HDGF: variants seen among roughly 807,000 people sequenced by gnomAD.
HDGF encodes the protein hepatoma-derived growth factor.
HDGF carries 5 observed loss-of-function variants against 30.0 expected under a neutral mutation model. The ratio of observed to expected loss-of-function variants is 0.17; its 90% CI spans 0.09 to 0.35. HDGF has a LOEUF of 0.35. Ranked by LOEUF, HDGF falls within the 10% of genes least tolerant of loss-of-function variation. The pLI, the probability that HDGF is intolerant of heterozygous loss-of-function variation, is 1.00. For synonymous variants in HDGF, 133 were observed against 112.7 expected, an observed-to-expected ratio of 1.18 and a Z score of -1.14; for missense variants, 214 against 302.8, an observed-to-expected ratio of 0.71 and a Z score of 2.18.
chr1:156,743,460 G>A lies in HDGF; in HGVS notation c.717-5C>T, dbSNP rs750934335. ...TGAAACATTGGTGGCTACAGGCTGTGAGGGAGGGTTGGAGGGGAGAAGGGT... is the reference window on the plus strand; with the variant it reads ...TGAAACATTGGTGGCTACAGGCTGTAAGGGAGGGTTGGAGGGGAGAAGGGT... On this transcript the variant is annotated splice_region_variant and splice_polypyrimidine_tract_variant and intron_variant, in intron 5 of 5. Transcript: ENST00000357325. 2.0e-6 allele frequency: 3 copies of A among 1,524,424 alleles called. No individual in the cohort carries two copies. The highest frequency in any genetic ancestry group is 4.3e-5 in the Admixed American group (2 of 46,312). The allele number at this position is 1,524,424 out of a possible 1,614,324, so 94.4% of individuals were successfully genotyped here.
intron 1 of HDGF, among the ~76,000 whole-genome samples, chr1:156,763,827 A>G (rs1003010903): frequency 3.3e-5 from 5 of 152,128 alleles, no homozygotes; most frequent in Admixed American, 6.5e-5. Flanking sequence ...AGCTCAGGCA[A>G]TCCACCTGCC....
intron 1 of HDGF, among the ~76,000 whole-genome samples, chr1:156,761,339 T>G (rs1031693881): frequency 6.7e-6 from 1 of 149,048 alleles, no homozygotes; most frequent in African/African-American, 2.5e-5. Context: ...CCGGGCGCAG[T>G]AGCTCACGCC....
chr1:156,758,598 A>AAAATAAT (rs1651191148), intron 2 of HDGF, among the ~76,000 whole-genome samples: 1 of 26,350 alleles, frequency 3.8e-5, no homozygotes, highest in Admixed American at 3.8e-4. Flanking sequence ...GTCTCAAAAA[A>AAAATAAT]AAAAATAAAT....
At chr1:156,746,284 C>T (rs1345173240) in intron 1 of HDGF, among the ~76,000 whole-genome samples, 1 of 150,794 alleles carries the variant, frequency 6.6e-6, no homozygotes, top group Non-Finnish European at 1.5e-5. Flanking sequence ...CTGCTTTTAT[C>T]TGCAGCACGG....
intron 1 of HDGF, chr1:156,747,319 C>G: frequency 6.9e-6 from 1 of 144,878 alleles, no homozygotes; most frequent in Non-Finnish European, 1.5e-5. Flanking sequence ...CACCCCACCC[C>G]CAAGCCTGCA....
upstream of HDGF, among the ~76,000 whole-genome samples, chr1:156,756,178 G>A (rs1185387531): frequency 6.6e-6 from 1 of 152,194 alleles, no homozygotes; most frequent in African/African-American, 2.4e-5. Context: ...CCTGAACCCA[G>A]GAGGTGGAGA....
At chr1:156,744,028 C>G in intron 4 of HDGF, 135 bp downstream of exon 4, 1 of 1,081,730 alleles carries the variant, frequency 9.2e-7, no homozygotes, top group Non-Finnish European at 1.4e-6. Context: ...CCCATCTGGT[C>G]AGCTGGGGAC....
chr1:156,749,598 C>T (rs1176396530), intron 1 of HDGF, among the ~76,000 whole-genome samples: 1 of 152,200 alleles, frequency 6.6e-6, no homozygotes, highest in Admixed American at 6.5e-5. Context: ...CCCTGTCCTT[C>T]CCTTCTGTCC....
At chr1:156,744,052 GGGCT>G in intron 4 of HDGF, 107 bp downstream of exon 4, 1 of 1,195,966 alleles carries the variant, frequency 8.4e-7, no homozygotes, top group Non-Finnish European at 1.2e-6. Flanking sequence ...CCAAGACTAG[GGGCT>G]GGATCGACCT....
At chr1:156,750,619 A>T (rs1487317572) in intron 1 of HDGF, 1 of 152,310 alleles carries the variant, frequency 6.6e-6, no homozygotes, top group Non-Finnish European at 1.5e-5. Context: ...TGGACTTCCT[A>T]ATACCACAAG....
chr1:156,767,200 G>C (rs550329598), upstream of HDGF, among the ~76,000 whole-genome samples: 1 of 152,126 alleles, frequency 6.6e-6, no homozygotes, highest in African/African-American at 2.4e-5. Context: ...ATATCTCCCA[G>C]AAATCTTAGT....
At chr1:156,767,353 C>A, upstream of HDGF, 1 of 214,480 alleles carries the variant, frequency 4.7e-6, no homozygotes, top group East Asian at 7.9e-5. Context: ...GGTGTCCCTG[C>A]GTCAGAGGCG....
upstream of HDGF, among the ~76,000 whole-genome samples, chr1:156,767,193 T>A (rs1207358388): frequency 6.6e-6 from 1 of 152,100 alleles, no homozygotes; most frequent in Non-Finnish European, 1.5e-5. Flanking sequence ...GAGCATCATA[T>A]CTCCCAGAAA....
intron 1 of HDGF, among the ~76,000 whole-genome samples, chr1:156,762,306 C>T (rs1651264866): frequency 6.6e-6 from 1 of 150,542 alleles, no homozygotes; most frequent in African/African-American, 2.4e-5. Context: ...AATCCGAGCA[C>T]TTTGGGAGGC....
intron 1 of HDGF, among the ~76,000 whole-genome samples, chr1:156,746,861 AACAC>A (rs1650585609): frequency 6.6e-6 from 1 of 152,190 alleles, no homozygotes; most frequent in African/African-American, 2.4e-5. Flanking sequence ...GGCAGTGATT[AACAC>A]ACAGAGACAG....
chr1:156,746,168 C>T (rs1228081047), intron 1 of HDGF, among the ~76,000 whole-genome samples: 1 of 152,236 alleles, frequency 6.6e-6, no homozygotes, highest in Admixed American at 6.5e-5. Context: ...CTAAGACTTC[C>T]CCTTTACAGT....
chr1:156,764,754 T>C (rs12741966), intron 1 of HDGF, among the ~76,000 whole-genome samples: 3 of 151,488 alleles, frequency 2.0e-5, no homozygotes, highest in African/African-American at 7.3e-5. Context: ...GGCATGGCGG[T>C]GCACACCTGT....
chr1:156,756,011 G>A (rs138896069), upstream of HDGF, among the ~76,000 whole-genome samples: 4,496 of 152,304 alleles, frequency 0.03, 224 homozygotes, highest in African/African-American at 0.1. Context: ...AGCTTTTTGG[G>A]AGGCCAAGGT....
rs760950183 is a variant in HDGF, at chr1:156,743,409, A to G, written c.*40T>C. ...GTTTCCCCAGTAGCACCCAGACAGC[A>G]GCAGGAACAGGGTGGGGGCTCCTCT... On this transcript the variant is annotated 3_prime_UTR_variant, in exon 6 of 6. Coordinates refer to ENST00000357325, the MANE Select transcript of HDGF (RefSeq NM_004494.3). 2 of 1,511,622 alleles carry G rather than the reference A, an allele frequency of 1.3e-6. No homozygotes were observed. The highest frequency in any genetic ancestry group is 2.7e-5 in the South Asian group (2 of 74,478). 93.6% of individuals were successfully genotyped at this position (1,511,622 alleles called of 1,614,324 possible). A position where few individuals can be genotyped will look rare whatever the true frequency, so the allele number is the denominator to read the frequency against.
Sources: allele counts gnomAD v4.1 joint callset (sites outside exome capture counted in the v4.1 genomes callset), GRCh38; gene constraint gnomAD v4.1.1; transcripts MANE v1.5; gene names NCBI Gene and HGNC (gene_info 2026-07-23, HGNC 2026-07-21).